The following ZNF292 variants were observed in gnomAD, a reference collection of about 807,000 sequenced individuals.
ZNF292 encodes 16 zinc-finger domain protein.
ZNF292 carries 26 observed loss-of-function variants against 217.9 expected under a neutral mutation model. The ratio of observed to expected loss-of-function variants is 0.12; its 90% confidence interval spans 0.09 to 0.17. The LOEUF (loss-of-function observed/expected upper bound fraction) is 0.17. ZNF292 is among the 10% of genes least tolerant of loss of function. The pLI is 1.00. For missense variants in ZNF292, 2,904 were observed against 3,175.2 expected (o/e 0.91, Z 2.05); for synonymous variants, 1,257 against 1,124.1 (o/e 1.12, Z -2.37).
At chr6:87,219,719 A>C (rs1349701995) in intron 4 of ZNF292, among the ~76,000 whole-genome samples, 1 of 152,208 alleles carries the variant, frequency 6.6e-6, no homozygotes, top group Admixed American at 6.5e-5. Flanking sequence ...TAGTTTTCAC[A>C]AGAGGTTTAT....
At chr6:87,245,023 C>G (rs946471397) in intron 6 of ZNF292, among the ~76,000 whole-genome samples, 3 of 151,984 alleles carry the variant, frequency 2.0e-5, no homozygotes. Context: ...GGCGGATCAC[C>G]TGAGGTCAGG....
chr6:87,254,002 C>T (rs1775071275), intron 7 of ZNF292, among the ~76,000 whole-genome samples: 1 of 152,240 alleles, frequency 6.6e-6, no homozygotes. Context: ...TCTACCCCTA[C>T]TCCTAATTCT....
At chr6:87,183,385 A>G (rs1433094728) in intron 1 of ZNF292, among the ~76,000 whole-genome samples, 1 of 152,148 alleles carries the variant, frequency 6.6e-6, no homozygotes, top group Non-Finnish European at 1.5e-5. Context: ...ATGAAATTCA[A>G]GCATATTGTA....
Position 87,259,941 on chromosome 6 carries a change from T to C in ZNF292, c.6312T>C (p.Phe2104=). The change falls in exon 8 of 8, where the codon TTT becomes TTC. Residue 2104 remains phenylalanine, a synonymous_variant. Transcript: ENST00000369577. ...RKKPVSQSLE[F]PTRYSPYRPY... ...AGCCAGTTTCCCAATCCCTTGAGTT[T>C]CCAACAAGATACAGTCCTTACAGAC... 2 of 1,613,640 alleles carry C rather than the reference T, an allele frequency of 1.2e-6. No individual in the cohort carries two copies. The highest frequency in any genetic ancestry group is 1.1e-5 in the South Asian group (1 of 91,072).
intron 1 of ZNF292, among the ~76,000 whole-genome samples, chr6:87,185,242 T>C (rs991174961): frequency 1.3e-5 from 2 of 152,216 alleles, no homozygotes; most frequent in African/African-American, 4.8e-5. Flanking sequence ...ATGTCCTTTG[T>C]ACAACCCAAA....
At chr6:87,242,872 CTG>C (rs1028827357) in intron 5 of ZNF292, among the ~76,000 whole-genome samples, 1 of 152,106 alleles carries the variant, frequency 6.6e-6, no homozygotes, top group Non-Finnish European at 1.5e-5. Flanking sequence ...ACATGCATGA[CTG>C]TTGGCAAGCT....
chr6:87,164,519 G>A (rs1423433793), intron 1 of ZNF292, among the ~76,000 whole-genome samples: 1 of 152,122 alleles, frequency 6.6e-6, no homozygotes, highest in African/African-American at 2.4e-5. Flanking sequence ...TCTACCACAT[G>A]TCCCTTTTCC....
At chr6:87,191,267 T>C (rs1411710879) in intron 1 of ZNF292, among the ~76,000 whole-genome samples, 2 of 148,618 alleles carry the variant, frequency 1.3e-5, no homozygotes, top group Non-Finnish European at 3.0e-5. Context: ...CCACTAATAC[T>C]AATGATAGCT....
chr6:87,196,569 C>T (rs1334856539), intron 1 of ZNF292, among the ~76,000 whole-genome samples: 1 of 152,228 alleles, frequency 6.6e-6, no homozygotes, highest in African/African-American at 2.4e-5. Flanking sequence ...TCATGATGCA[C>T]ATCTCTTATT....
intron 1 of ZNF292, among the ~76,000 whole-genome samples, chr6:87,198,715 G>A (rs1359604492): frequency 4.6e-5 from 7 of 152,042 alleles, no homozygotes; most frequent in Admixed American, 2.6e-4. Context: ...AATGTTCTTC[G>A]TTCAAAAAAG....
Position 87,261,749 on chromosome 6 carries a change from C to T in ZNF292, c.8120C>T (p.Ser2707Phe), listed in dbSNP as rs15511. The T allele has an allele frequency of 6.2e-7, 1 of 1,612,728 alleles. No individual in the cohort carries two copies. Among genetic ancestry groups the T allele is most frequent in the African/African-American group, 1.3e-5 (1 of 74,842 alleles). ...LEVHSNDPDM[S>F]VMKDISIGKA... ...GTACATTCAAATGATCCAGATATGT[C>T]TGTTATGAAAGATATCAGTATAGGT... The change falls in exon 8 of 8, where the codon TCT (serine) becomes TTT (phenylalanine). Residue 2707 changes from serine (S) to phenylalanine (F), a missense_variant. Coordinates refer to ENST00000369577, the MANE Select transcript of ZNF292 (RefSeq NM_015021.3).
At chr6:87,237,699 T>G (rs1187276563) in intron 5 of ZNF292, among the ~76,000 whole-genome samples, 1 of 152,256 alleles carries the variant, frequency 6.6e-6, no homozygotes, top group Non-Finnish European at 1.5e-5. Flanking sequence ...GAAATAATTG[T>G]TATGCTTTAC....
chr6:87,218,251 A>G (rs1421110721), intron 3 of ZNF292, among the ~76,000 whole-genome samples: 2 of 152,002 alleles, frequency 1.3e-5, no homozygotes, highest in Non-Finnish European at 2.9e-5. Flanking sequence ...TTGGGGGAAA[A>G]CTTTTTTAAA....
Position 87,260,595 on chromosome 6 carries a change from A to C in ZNF292, c.6966A>C (p.Arg2322Ser). The C allele has an allele frequency of 6.2e-7, 1 of 1,613,078 alleles. No individual in the cohort carries two copies. The highest frequency in any genetic ancestry group is 8.5e-7 in the Non-Finnish European group (1 of 1,179,642). ...KSKHRGTKHS[R>S]CGKEGIKMPK... ...AACATCGGGGGACCAAGCACAGCAG[A>C]TGTGGAAAGGAAGGAATAAAAATGC... is the stretch of plus-strand genomic sequence containing the variant. The change falls in exon 8 of 8, where the codon AGA becomes AGC. Residue 2322 changes from arginine to serine, a missense_variant. This residue lies in a region of ZNF292 where 101 missense variants were observed against 89.5 expected (regional missense o/e 1.13). Transcript: ENST00000369577.
intron 1 of ZNF292, chr6:87,173,818 T>G (rs528611544): frequency 1.9e-5 from 3 of 158,700 alleles, no homozygotes; most frequent in African/African-American, 7.2e-5. Context: ...CATATTCTGG[T>G]TCATCACCCA....
chr6:87,244,826 TTA>T (rs1233567898), intron 6 of ZNF292, among the ~76,000 whole-genome samples: 1 of 151,982 alleles, frequency 6.6e-6, no homozygotes, highest in Non-Finnish European at 1.5e-5. Flanking sequence ...TTGATTTTTT[TTA>T]TATATATATT....
intron 1 of ZNF292, among the ~76,000 whole-genome samples, chr6:87,189,531 T>C (rs186366809): frequency 6.6e-6 from 1 of 152,294 alleles, no homozygotes; most frequent in Admixed American, 6.5e-5. Context: ...CTGAGCATGA[T>C]TATTTTCCAA....
At chr6:87,235,461 A>G (rs1443132846) in intron 5 of ZNF292, among the ~76,000 whole-genome samples, 1 of 152,124 alleles carries the variant, frequency 6.6e-6, no homozygotes, top group African/African-American at 2.4e-5. Context: ...TAGGCCCTTC[A>G]CTAAAGAAGC....
chr6:87,221,694 A>G (rs1453064607), intron 4 of ZNF292, among the ~76,000 whole-genome samples: 1 of 152,072 alleles, frequency 6.6e-6, no homozygotes, highest in East Asian at 1.9e-4. Context: ...TATTTATGGA[A>G]GTCTTCTTTT....
Sources: gnomAD v4.1 joint callset for allele counts (sites outside exome capture counted in the v4.1 genomes callset) on GRCh38, gnomAD v4.1.1 for gene constraint, gnomAD v4.1.1 regional missense constraint, MANE v1.5 for transcripts, NCBI Gene and HGNC (gene_info 2026-07-23, HGNC 2026-07-21) for gene names.